TOLLIP: variants seen among roughly 807,000 people sequenced by gnomAD.
TOLLIP encodes the protein toll-interacting protein.
In TOLLIP, 16 loss-of-function variants were observed where a neutral mutation model predicts 33.5. The ratio of observed to expected loss-of-function variants is 0.48; its 90% CI spans 0.32 to 0.72. The LOEUF is 0.72. Among genes scored for constraint, TOLLIP ranks in the 30% least tolerant of loss-of-function variants. TOLLIP has a pLI of 0.03. For synonymous variants in TOLLIP, 176 were observed against 163.7 expected (o/e 1.07, Z -0.57); for missense variants, 325 against 396.6 (o/e 0.82, Z 1.53).
chr11:1,299,907 A>G (rs911247641), intron 1 of TOLLIP, among the ~76,000 whole-genome samples: 1 of 152,162 alleles, frequency 6.6e-6, no homozygotes, highest in Non-Finnish European at 1.5e-5. Context: ...CCGCGAACAC[A>G]TGGAGACTCG....
Position 1,309,452 on chromosome 11 carries a change from C to T in TOLLIP, c.33+14G>A, listed in dbSNP as rs2133940327. On this transcript the variant is annotated intron_variant, in intron 1 of 5. Transcript: ENST00000317204. ...GGTCACCGCCCCCGCCCGACCCTCG[C>T]CCGGCTGCCTCACCGGCCCGCGCTG... 1 of 1,312,044 alleles carries T rather than the reference C, an allele frequency of 7.6e-7. No individual in the cohort carries two copies. The highest frequency in any genetic ancestry group is 2.9e-4 in the Middle Eastern group (1 of 3,460). The allele number at this position is 1,312,044 out of a possible 1,614,324, so 81.3% of individuals were successfully genotyped here. A position where few individuals can be genotyped will look rare whatever the true frequency, so the allele number is the denominator to read the frequency against.
At chr11:1,299,565 G>A (rs1458055940) in intron 1 of TOLLIP, among the ~76,000 whole-genome samples, 1 of 152,062 alleles carries the variant, frequency 6.6e-6, no homozygotes, top group Non-Finnish European at 1.5e-5. Flanking sequence ...TATTTCAATG[G>A]TCACATAAAA....
In TOLLIP at chr11:1,292,407, C is replaced by T. The variant is rs5743948; in HGVS notation, c.184-1998G>A. On this transcript the variant is annotated intron_variant, in intron 2 of 5. Coordinates refer to ENST00000317204, the MANE Select transcript of TOLLIP (RefSeq NM_019009.4). Reference sequence around the variant, plus strand: ...GCTTTCTGGGTGGCACATGGGACTCCCCTGCCAGCATGCCCGTGCCTGTCA... The same window carrying T: ...GCTTTCTGGGTGGCACATGGGACTCTCCTGCCAGCATGCCCGTGCCTGTCA... Among the ~76,000 whole-genome samples the T allele has an allele frequency of 7.5e-3, 1,140 of 152,324 alleles. 4 individuals carry two copies. Among genetic ancestry groups the T allele is most frequent in the Non-Finnish European group, 0.013 (896 of 68,024 alleles).
At chr11:1,285,181 G>A (rs1050479287) in intron 5 of TOLLIP, among the ~76,000 whole-genome samples, 3 of 151,894 alleles carry the variant, frequency 2.0e-5, no homozygotes, top group East Asian at 3.9e-4. Flanking sequence ...CATCCCTAGC[G>A]CCCTGCCCGC....
At chr11:1,307,494 T>C (rs1368569268) in intron 1 of TOLLIP, among the ~76,000 whole-genome samples, 1 of 152,214 alleles carries the variant, frequency 6.6e-6, no homozygotes, top group Non-Finnish European at 1.5e-5. Flanking sequence ...CAGCACCTGA[T>C]GCATTCAAAA....
In TOLLIP at chr11:1,293,095, C is replaced by T. The variant is rs1360965341; in HGVS notation, c.183+2550G>A. On this transcript the variant is annotated intron_variant, in intron 2 of 5. Transcript: ENST00000317204. ...GGCCTGGACGGGCTGAAGGTGGCGC[C>T]TGTGCTGAGGGTCAGGCCTGAAGGG... Among the ~76,000 whole-genome samples, 2 of 152,120 alleles carry T rather than the reference C, an allele frequency of 1.3e-5. 1 individual carries two copies. Among genetic ancestry groups the T allele is most frequent in the East Asian group, 3.9e-4 (2 of 5,174 alleles).
At chr11:1,300,262 C>A (rs902144330) in intron 1 of TOLLIP, among the ~76,000 whole-genome samples, 14 of 152,236 alleles carry the variant, frequency 9.2e-5, no homozygotes, top group African/African-American at 3.4e-4. Flanking sequence ...CTTGGAATTG[C>A]TGATTCTCCT....
chr11:1,287,461 C>T (rs1406131091), intron 4 of TOLLIP, among the ~76,000 whole-genome samples: 3 of 49,592 alleles, frequency 6.0e-5, no homozygotes, highest in East Asian at 4.3e-4. Context: ...CCCTCCCCGC[C>T]GCAGCCTCCC....
chr11:1,281,313 A>G (rs989203960), intron 5 of TOLLIP, among the ~76,000 whole-genome samples: 3 of 152,128 alleles, frequency 2.0e-5, no homozygotes, highest in African/African-American at 7.2e-5. Context: ...ATTTTTGTGA[A>G]GGAGATGGTC....
At chr11:1,305,988 A>ACAGGGGTCCACACAGTACCCCTCG (rs1864413124) in intron 1 of TOLLIP, 2 of 151,506 alleles carry the variant, frequency 1.3e-5, no homozygotes, top group Non-Finnish European at 2.9e-5. Flanking sequence ...GATACTCCTC[A>ACAGGGGTCCACACAGTACCCCTCG]CAGGGGTCCA....
intron 1 of TOLLIP, among the ~76,000 whole-genome samples, chr11:1,297,199 T>C (rs1182047798): frequency 6.6e-6 from 1 of 152,166 alleles, no homozygotes; most frequent in East Asian, 1.9e-4. Context: ...GCCTCTGCCA[T>C]GCACACCAGA....
In TOLLIP at chr11:1,276,081, C is replaced by T. The variant is rs1471928286; in HGVS notation, c.*958G>A. On this transcript the variant is annotated 3_prime_UTR_variant, in exon 6 of 6. Coordinates refer to ENST00000317204, the MANE Select transcript of TOLLIP (RefSeq NM_019009.4). ...CCCGCCTCAGAAAGCTTTTACAGGG[C>T]CACGCTCGCCAGGCTTTCCTCGCCC... The T allele has an allele frequency of 6.6e-6, 1 of 152,348 alleles. No homozygotes were observed. The allele number at this position is 152,348 out of a possible 1,614,324, so 9.4% of individuals were successfully genotyped here.
In TOLLIP at chr11:1,290,242, G is replaced by A. The variant is rs751365751; in HGVS notation, c.351C>T (p.Leu117=). 9.2e-5 allele frequency: 148 copies of A among 1,613,130 alleles called. No individual in the cohort carries two copies. Among genetic ancestry groups the A allele is most frequent in the Non-Finnish European group, 1.1e-4 (128 of 1,179,890 alleles). ...TCCCTCTCACCTCATCGAAGATCTC[G>A]AGATAGAAAGAGTCCACGCCTGGGG... The part of the protein sequence containing the change: ...TVPPGVDSFY[L]EIFDERAFSM... The change falls in exon 3 of 6, where the codon CTC becomes CTT. Residue 117 remains leucine (L), a synonymous_variant. Coordinates refer to ENST00000317204, the MANE Select transcript of TOLLIP (RefSeq NM_019009.4). This position sits in a 1 kb window ranked among gnomAD's most constrained non-coding sequence, Gnocchi z 4.9.
intron 2 of TOLLIP, chr11:1,291,729 CCGCCCCG>C (rs1863957989): frequency 1.2e-5 from 2 of 164,306 alleles, no homozygotes; most frequent in African/African-American, 4.9e-5. Flanking sequence ...GAGGGCACGG[CCGCCCCG>C]TCCTCACCGA....
intron 1 of TOLLIP, among the ~76,000 whole-genome samples, chr11:1,304,589 A>G (rs1864373696): frequency 6.6e-6 from 1 of 152,212 alleles, no homozygotes; most frequent in African/African-American, 2.4e-5. Flanking sequence ...TGGCACAGAC[A>G]ATGATTAACT....
chr11:1,279,693 T>A (rs947934166), intron 5 of TOLLIP, among the ~76,000 whole-genome samples: 2 of 152,206 alleles, frequency 1.3e-5, no homozygotes, highest in Non-Finnish European at 2.9e-5. Context: ...GCCGTGTGAA[T>A]CTGCTGTCAT....
intron 2 of TOLLIP, chr11:1,291,089 G>GT (rs2133906961): frequency 6.6e-6 from 1 of 152,554 alleles, no homozygotes; most frequent in South Asian, 2.1e-4. Context: ...GGGAGTGAAC[G>GT]TGTGTTCAGA....
intron 1 of TOLLIP, among the ~76,000 whole-genome samples, chr11:1,296,571 A>AGGAGTGGGGTGGAGGCCTGGTTGCTGGT (rs1388891413): frequency 1.4e-4 from 14 of 101,734 alleles, no homozygotes; most frequent in African/African-American, 4.1e-4. Context: ...TGGTTGCTGG[A>AGGAGTGGGGTGGAGGCCTGGTTGCTGGT]GGAGTGGGGT....
Position 1,303,950 on chromosome 11 carries a change from C to A in TOLLIP, c.33+5516G>T, listed in dbSNP as rs11042783. 6.6e-6 allele frequency among the ~76,000 whole-genome samples: 1 copy of A among 151,124 alleles called. No individual in the cohort carries two copies. On this transcript the variant is annotated intron_variant, in intron 1 of 5. Transcript: ENST00000317204. The surrounding 1 kb of genome is among the most constrained non-coding windows in gnomAD (Gnocchi z 4.2). ...ACTCGGGAGTCTGAGGCAGGAAAAT[C>A]GCTTGAACCTGGGAGGAAGAGGTTG...
Sources: gnomAD v4.1 joint callset for allele counts (sites outside exome capture counted in the v4.1 genomes callset) on GRCh38, gnomAD v4.1.1 for gene constraint, Gnocchi (gnomAD v3.1) non-coding constraint, MANE v1.5 for transcripts, NCBI Gene and HGNC (gene_info 2026-07-23, HGNC 2026-07-21) for gene names.